Variants in TMEM255A observed in about 807,000 individuals in gnomAD.
TMEM255A encodes family with sequence similarity 70, member A.
In TMEM255A, 14 loss-of-function variants were observed where a neutral mutation model predicts 23.5. That is an observed-to-expected ratio of 0.60 (90% confidence interval 0.39 to 0.93). TMEM255A has a LOEUF of 0.93. Ranked by LOEUF, TMEM255A falls within the 40% of genes least tolerant of loss-of-function variation. TMEM255A has a pLI of 0.00. For synonymous variants in TMEM255A, 104 were observed against 100.3 expected (o/e 1.04, Z -0.22); for missense variants, 233 against 261.7 (o/e 0.89, Z 0.76).
At chrX:120,296,380 C>CTCCTATTCTATTCTAT (rs1556024031) in intron 2 of TMEM255A, among the ~76,000 whole-genome samples, 1 of 74,066 alleles carries the variant, frequency 1.4e-5, no homozygotes, top group Non-Finnish European at 2.5e-5. Context: ...TCCCCTTCTC[C>CTCCTATTCTATTCTAT]TCTATTCTAT....
downstream of TMEM255A, chrX:120,255,279 G>A (rs782123269): frequency 1.1e-5 from 13 of 1,211,734 alleles, no homozygotes; most frequent in South Asian, 2.1e-4. Context: ...GGTTGACACT[G>A]GAAAAGAACC....
rs11342181 is a variant in TMEM255A at position 120,275,784 on chromosome X, ATTTTTTTTT to A, written c.675+1092_675+1100del. ...GAATCTTTAGAGAAGGAGCCCAAGC[ATTTTTTTTT>A]TTTTTTTTTTTTTTTTAGAGACAGG... is the stretch of plus-strand genomic sequence containing the variant. On this transcript the variant is annotated intron_variant, in intron 7 of 8. Transcript: ENST00000371369. Among the ~76,000 whole-genome samples the A allele has an allele frequency of 1.2e-4, 7 of 60,250 alleles. No homozygotes were observed. In the South Asian group the frequency reaches 7.7e-3, roughly 66 times the overall value. The allele number at this position is 60,250 out of a possible 115,157, so 52.3% of individuals were successfully genotyped here. A position where few individuals can be genotyped will look rare whatever the true frequency, so the allele number is the denominator to read the frequency against.
chrX:120,264,279 G>A lies in TMEM255A; in HGVS notation c.820-3251C>T, dbSNP rs143433474. 1.4e-4 allele frequency among the ~76,000 whole-genome samples: 16 copies of A among 111,878 alleles called. No individual in the cohort carries two copies. In the East Asian group the frequency reaches 4.5e-3, roughly 31 times the overall value. Reference sequence around the variant, plus strand: ...GGGGTGGTGGGGAAATAGTGCAAAGGACAAGAGAAATGAGTGTTGGACAGA... The same window carrying A: ...GGGGTGGTGGGGAAATAGTGCAAAGAACAAGAGAAATGAGTGTTGGACAGA... On this transcript the variant is annotated intron_variant, in intron 8 of 8. Coordinates refer to ENST00000371369, the MANE Select transcript of TMEM255A (RefSeq NM_001104544.3).
At chrX:120,275,905 A>G (rs1443442811) in intron 7 of TMEM255A, among the ~76,000 whole-genome samples, 1 of 103,151 alleles carries the variant, frequency 9.7e-6, no homozygotes, top group Non-Finnish European at 1.9e-5. Context: ...TGATCCTCCC[A>G]CTTCAGCCTC....
At chrX:120,308,489 G>T (rs1164809202) in intron 1 of TMEM255A, among the ~76,000 whole-genome samples, 1 of 111,783 alleles carries the variant, frequency 8.9e-6, no homozygotes, top group Non-Finnish European at 1.9e-5. Context: ...ACCTGAGTCA[G>T]CTTTGCCACA....
intron 2 of TMEM255A, 69 bp from the exon 3 acceptor site, chrX:120,294,120 C>T: frequency 3.5e-6 from 3 of 847,749 alleles, no homozygotes; most frequent in Non-Finnish European, 5.1e-6. Context: ...CATTCCAGCC[C>T]CTTCATATGA....
At chrX:120,288,207 A>G (rs1382186890) in intron 4 of TMEM255A, among the ~76,000 whole-genome samples, 3 of 111,788 alleles carry the variant, frequency 2.7e-5, no homozygotes, top group African/African-American at 3.3e-5. Context: ...TTCCCCACAC[A>G]TGTGATTTAG....
At position 120,261,048 on chromosome X, in the gene TMEM255A, CGTTAGT is replaced by C; in HGVS notation, c.820-26_820-21del. 1 of 1,185,453 alleles carries C rather than the reference CGTTAGT, an allele frequency of 8.4e-7. No individual in the cohort carries two copies. The highest frequency in any genetic ancestry group is 1.1e-6 in the Non-Finnish European group (1 of 887,246). On this transcript the variant is annotated intron_variant, in intron 8 of 8. Transcript: ENST00000371369. Reference sequence around the variant, plus strand: ...GGAATGCTGTGTGATAAAAAGAAAACGTTAGTTTAGGCAGTGAGTTTGCAATTCCCT... The same window carrying C: ...GGAATGCTGTGTGATAAAAAGAAAACTTAGGCAGTGAGTTTGCAATTCCCT...
chrX:120,296,111 C>A (rs952704598), intron 2 of TMEM255A, among the ~76,000 whole-genome samples: 18 of 112,022 alleles, frequency 1.6e-4, no homozygotes, highest in Admixed American at 2.8e-4. Context: ...CAGCTTCTTA[C>A]GGGAAAAATA....
rs1337954350 is a variant in TMEM255A at position 120,296,740 on chromosome X, AT to A, written c.202-2690del. Among the ~76,000 whole-genome samples the A allele has an allele frequency of 8.0e-5, 3 of 37,405 alleles. No homozygotes were observed. In the East Asian group the frequency reaches 3.4e-3, roughly 42 times the overall value. The allele number at this position is 37,405 out of a possible 115,157, so 32.5% of individuals were successfully genotyped here. ...ATTTAATATATATTAAATATATTAT[AT>A]TATATTATATTATATATTATATATA... is the stretch of plus-strand genomic sequence containing the variant. On this transcript the variant is annotated intron_variant, in intron 2 of 8. Transcript: ENST00000371369.
intron 7 of TMEM255A, among the ~76,000 whole-genome samples, chrX:120,271,695 A>ACTT (rs1569333438): frequency 9.1e-6 from 1 of 109,974 alleles, no homozygotes; most frequent in Non-Finnish European, 1.9e-5. Context: ...TGAGCCCCTA[A>ACTT]CTTATACTAG....
intron 1 of TMEM255A, among the ~76,000 whole-genome samples, chrX:120,308,918 T>A (rs1415658189): frequency 8.9e-6 from 1 of 112,855 alleles, no homozygotes; most frequent in East Asian, 2.8e-4. Context: ...TGTCTGCGTG[T>A]TTTAAATTTT....
intron 6 of TMEM255A, among the ~76,000 whole-genome samples, chrX:120,277,295 C>G (rs1433354375): frequency 8.0e-5 from 9 of 113,011 alleles, no homozygotes; most frequent in Non-Finnish European, 1.5e-4. Context: ...TAACACTAAT[C>G]CTAGATAGCA....
At chrX:120,309,682 C>G (rs891277991) in intron 1 of TMEM255A, among the ~76,000 whole-genome samples, 1 of 112,045 alleles carries the variant, frequency 8.9e-6, no homozygotes, top group African/African-American at 3.2e-5. Flanking sequence ...CTCTGTCTCT[C>G]TCTCTCTCGC....
At chrX:120,292,287 A>G (rs781868084) in intron 3 of TMEM255A, among the ~76,000 whole-genome samples, 8 of 112,000 alleles carry the variant, frequency 7.1e-5, no homozygotes, top group Admixed American at 3.8e-4. Flanking sequence ...TGTGGGGGAA[A>G]ATAGGAATTT....
intron 4 of TMEM255A, among the ~76,000 whole-genome samples, 164 bp downstream of exon 4, chrX:120,291,087 G>A (rs1310621209): frequency 1.8e-5 from 2 of 111,320 alleles, no homozygotes; most frequent in Non-Finnish European, 1.9e-5. Flanking sequence ...CGTGTCCATT[G>A]GTGTCTTCAC....
intron 8 of TMEM255A, among the ~76,000 whole-genome samples, chrX:120,267,522 C>G (rs936556356): frequency 8.9e-6 from 1 of 112,234 alleles, no homozygotes; most frequent in African/African-American, 3.2e-5. Flanking sequence ...CCTAAAGGAC[C>G]ATTTCACTTG....
intron 1 of TMEM255A, among the ~76,000 whole-genome samples, chrX:120,307,337 A>G (rs2058071179): frequency 8.9e-6 from 1 of 111,855 alleles, no homozygotes; most frequent in Non-Finnish European, 1.9e-5. Flanking sequence ...AGAAGGGAGA[A>G]GTACAGCCGT....
At chrX:120,255,019 A>T, downstream of TMEM255A, 1 of 1,212,030 alleles carries the variant, frequency 8.3e-7, no homozygotes. Context: ...CCTCTTGCAG[A>T]ATATCGCACA....
Sources: allele counts gnomAD v4.1 joint callset (sites outside exome capture counted in the v4.1 genomes callset), GRCh38; gene constraint gnomAD v4.1.1; transcripts MANE v1.5; gene names NCBI Gene and HGNC (gene_info 2026-07-23, HGNC 2026-07-21).